CUL4A: variants seen among roughly 807,000 people sequenced by gnomAD.
CUL4A encodes the protein cullin 4A.
A neutral mutation model predicts 95.5 loss-of-function variants in CUL4A; 16 were observed. That is an observed-to-expected ratio of 0.17 (90% CI 0.11 to 0.25). The LOEUF is 0.25. Ranked by LOEUF, CUL4A falls within the 10% of genes least tolerant of loss-of-function variation. The pLI is 1.00. For synonymous variants in CUL4A, 380 were observed against 353.1 expected (o/e 1.08, Z -0.85); for missense variants, 610 against 937.0 (o/e 0.65, Z 4.56).
chr13:113,233,488 C>T (rs1055449902), intron 6 of CUL4A, 149 bp downstream of exon 6: 16 of 735,842 alleles, frequency 2.2e-5, no homozygotes, highest in African/African-American at 2.1e-4. Context: ...AGGGGAATAG[C>T]GCTCAAGCTA....
chr13:113,246,994 A>G (rs2041874246), intron 15 of CUL4A, among the ~76,000 whole-genome samples: 2 of 152,330 alleles, frequency 1.3e-5, no homozygotes, highest in South Asian at 4.1e-4. Context: ...TCTGCAGGCT[A>G]TACAAGCATG....
intron 2 of CUL4A, among the ~76,000 whole-genome samples, chr13:113,211,074 T>C (rs1052651713): frequency 1.2e-4 from 19 of 152,242 alleles, no homozygotes; most frequent in Non-Finnish European, 2.4e-4. Context: ...CTTGGTAGAA[T>C]GGTAGAATAT....
chr13:113,245,302 C>A lies in CUL4A; in HGVS notation c.1530+65C>A, dbSNP rs1007166917. 2.8e-6 allele frequency: 4 copies of A among 1,409,366 alleles called. No homozygotes were observed. The African/African-American group carries it at 4.2e-5, about 15-fold the overall frequency. 87.3% of individuals were successfully genotyped at this position (1,409,366 alleles called of 1,614,324 possible). A position where few individuals can be genotyped will look rare whatever the true frequency, so the allele number is the denominator to read the frequency against. On this transcript the variant is annotated intron_variant, in intron 14 of 19. Coordinates refer to ENST00000375440, the MANE Select transcript of CUL4A (RefSeq NM_001008895.4). Reference sequence around the variant, plus strand: ...TATCTGTTAGTGTGGTGGCTCATGCCTGTAATCCCAGCACTTTGGGAGGCA... The same window carrying A: ...TATCTGTTAGTGTGGTGGCTCATGCATGTAATCCCAGCACTTTGGGAGGCA...
intron 18 of CUL4A, among the ~76,000 whole-genome samples, chr13:113,255,664 A>G (rs538459764): frequency 6.6e-6 from 1 of 152,238 alleles, no homozygotes; most frequent in East Asian, 1.9e-4. Context: ...CATAGTGTAT[A>G]TAGCCTTTTC....
At chr13:113,219,365 C>G (rs1359218173) in intron 3 of CUL4A, 1 of 232,600 alleles carries the variant, frequency 4.3e-6, no homozygotes, top group Non-Finnish European at 8.5e-6. Flanking sequence ...CAACAAAGTC[C>G]CATCGACTTG....
intron 18 of CUL4A, among the ~76,000 whole-genome samples, chr13:113,257,976 T>A (rs1482167752): frequency 6.6e-6 from 1 of 152,208 alleles, no homozygotes; most frequent in Non-Finnish European, 1.5e-5. Flanking sequence ...TTCTCTTCTA[T>A]AAATTCTGTG....
At chr13:113,226,195 T>C (rs897077499) in intron 3 of CUL4A, among the ~76,000 whole-genome samples, 38 of 152,240 alleles carry the variant, frequency 2.5e-4, no homozygotes, top group Non-Finnish European at 1.6e-4. Flanking sequence ...TGCATCCTAC[T>C]TAACTGATGT....
intron 18 of CUL4A, 70 bp from the exon 19 acceptor site, chr13:113,260,537 G>A: frequency 7.1e-7 from 1 of 1,406,464 alleles, no homozygotes; most frequent in Non-Finnish European, 9.6e-7. Flanking sequence ...GCAACTGAGT[G>A]AGACTCCATC....
chr13:113,266,913 T>C lies in CUL4A; in HGVS notation c.*3331T>C, dbSNP rs1158356754. ...TAAATTTATAGAGTATAAAGTGATC[T>C]TATAAATTATGCATACATTGTGGAC... On this transcript the variant is annotated 3_prime_UTR_variant, in exon 20 of 20. Transcript: ENST00000375440. The C allele has an allele frequency of 5.9e-5, 9 of 152,142 alleles. No individual in the cohort carries two copies. Among genetic ancestry groups the C allele is most frequent in the Admixed American group, 5.2e-4 (8 of 15,276 alleles). 9.4% of individuals were successfully genotyped at this position (152,142 alleles called of 1,614,324 possible). A position where few individuals can be genotyped will look rare whatever the true frequency, so the allele number is the denominator to read the frequency against.
chr13:113,220,082 A>G (rs1401210899), intron 3 of CUL4A, among the ~76,000 whole-genome samples: 1 of 152,088 alleles, frequency 6.6e-6, no homozygotes, highest in East Asian at 1.9e-4. Flanking sequence ...GCTTATTTCT[A>G]AGTGTTCTTC....
chr13:113,250,176 G>A (rs1003112760), intron 15 of CUL4A, among the ~76,000 whole-genome samples: 11 of 152,208 alleles, frequency 7.2e-5, no homozygotes, highest in South Asian at 6.2e-4. Flanking sequence ...AAAAATTGAC[G>A]AGGCCAGGTG....
chr13:113,260,415 C>T (rs1246942635), intron 18 of CUL4A, among the ~76,000 whole-genome samples, 192 bp from the exon 19 acceptor site: 1 of 151,224 alleles, frequency 6.6e-6, no homozygotes, highest in Non-Finnish European at 1.5e-5. Context: ...CCGGGCATGA[C>T]AGCAGGTGCC....
chr13:113,233,631 G>T (rs1013159133), intron 6 of CUL4A, among the ~76,000 whole-genome samples: 10 of 152,172 alleles, frequency 6.6e-5, no homozygotes, highest in Admixed American at 4.6e-4. Flanking sequence ...CAGATGACAC[G>T]CTGGGGGAAA....
chr13:113,254,727 C>A lies in CUL4A; in HGVS notation c.1787C>A (p.Thr596Lys). 1 of 1,612,850 alleles carries A rather than the reference C, an allele frequency of 6.2e-7. No homozygotes were observed. The highest frequency in any genetic ancestry group is 8.5e-7 in the Non-Finnish European group (1 of 1,179,672). The change falls in exon 17 of 20, where the codon ACA (threonine) becomes AAA (lysine). Residue 596 changes from threonine (T) to lysine (K), a missense_variant. Coordinates refer to ENST00000375440, the MANE Select transcript of CUL4A (RefSeq NM_001008895.4). Reference sequence around the variant, plus strand: ...GAATTCCAGGTGTCCCTCTTCCAGACACTGGTGCTCCTCATGTTCAACGAG... The same window carrying A: ...GAATTCCAGGTGTCCCTCTTCCAGAAACTGGTGCTCCTCATGTTCAACGAG... Reference protein sequence around the residue: ...KKEFQVSLFQTLVLLMFNEGD... With the variant: ...KKEFQVSLFQKLVLLMFNEGD...
rs11552925 is a variant in CUL4A, at chr13:113,264,012, C to G, written c.*430C>G. On this transcript the variant is annotated 3_prime_UTR_variant, in exon 20 of 20. Transcript: ENST00000375440. ...TCCTTAGGTATCCCTGAAGACAGCT[C>G]GCTCAGATGATCAGCATTTAGAGTG... 1,640 of 153,806 alleles carry G rather than the reference C, an allele frequency of 0.011. 12 individuals carry two copies. The highest frequency in any genetic ancestry group is 0.018 in the Non-Finnish European group (1,211 of 68,852). The allele number at this position is 153,806 out of a possible 1,614,324, so 9.5% of individuals were successfully genotyped here.
Position 113,244,390 on chromosome 13 carries a change from C to T in CUL4A, c.1229-20C>T, listed in dbSNP as rs747649717. On this transcript the variant is annotated intron_variant, in intron 11 of 19. Coordinates refer to ENST00000375440, the MANE Select transcript of CUL4A (RefSeq NM_001008895.4). ...CTCTTTTTCTAGTTTAGAGTATTTA[C>T]TATATGTTTATGCTCACAGCAAAGC... 15 of 1,569,248 alleles carry T rather than the reference C, an allele frequency of 9.6e-6. No individual in the cohort carries two copies. Among genetic ancestry groups the T allele is most frequent in the Non-Finnish European group, 1.2e-5 (14 of 1,144,200 alleles).
At chr13:113,212,591 C>T (rs1434903813) in intron 2 of CUL4A, among the ~76,000 whole-genome samples, 1 of 152,138 alleles carries the variant, frequency 6.6e-6, no homozygotes, top group East Asian at 1.9e-4. Context: ...TGAGACCAGC[C>T]TGGCCAACAT....
Position 113,233,162 on chromosome 13 carries a change from T to C in CUL4A, c.513-15T>C, listed in dbSNP as rs1370019775. 19 of 1,607,850 alleles carry C rather than the reference T, an allele frequency of 1.2e-5. No homozygotes were observed. Among genetic ancestry groups the C allele is most frequent in the African/African-American group, 1.3e-5 (1 of 74,750 alleles). On this transcript the variant is annotated splice_polypyrimidine_tract_variant and intron_variant, in intron 5 of 19. Coordinates refer to ENST00000375440, the MANE Select transcript of CUL4A (RefSeq NM_001008895.4). Reference sequence around the variant, plus strand: ...CGAAACTAAAATGTAGTCCTGTTTCTTACTGTCTATACAGGGATATGGGAT... The same window carrying C: ...CGAAACTAAAATGTAGTCCTGTTTCCTACTGTCTATACAGGGATATGGGAT...
intron 2 of CUL4A, among the ~76,000 whole-genome samples, chr13:113,211,646 A>G (rs2040450118): frequency 6.6e-6 from 1 of 152,182 alleles, no homozygotes; most frequent in Non-Finnish European, 1.5e-5. Flanking sequence ...CGGTCTCTCA[A>G]AGTGCTGGGT....
Sources: allele counts gnomAD v4.1 joint callset (sites outside exome capture counted in the v4.1 genomes callset), GRCh38; gene constraint gnomAD v4.1.1; transcripts MANE v1.5; gene names NCBI Gene and HGNC (gene_info 2026-07-23, HGNC 2026-07-21).